The following ANKRD27 variants were observed in gnomAD, a reference collection of about 807,000 sequenced individuals.
ANKRD27 encodes ankyrin repeat domain-containing protein 27.
ANKRD27 carries 112 observed loss-of-function variants against 129.7 expected under a neutral mutation model. That is an observed-to-expected ratio of 0.86 (90% CI 0.74 to 1.01). The LOEUF (loss-of-function observed/expected upper bound fraction) is 1.01, where lower values mean the gene tolerates loss of function less well. Ranked by LOEUF, ANKRD27 falls within the 50% of genes least tolerant of loss-of-function variation. The pLI is 0.00. For missense variants in ANKRD27, 1,258 were observed against 1,300.5 expected (o/e 0.97, Z 0.50); for synonymous variants, 516 against 511.2 (o/e 1.01, Z -0.13).
At chr19:32,647,055 G>A (rs1967316976) in intron 3 of ANKRD27, among the ~76,000 whole-genome samples, 1 of 152,118 alleles carries the variant, frequency 6.6e-6, no homozygotes, top group South Asian at 2.1e-4. Context: ...TGAACTCCCA[G>A]CCTCAGGTGA....
At chr19:32,617,742 C>A in intron 20 of ANKRD27, 109 bp from the exon 21 acceptor site, 4 of 477,050 alleles carry the variant, frequency 8.4e-6, no homozygotes, top group African/African-American at 4.1e-5. Flanking sequence ...GGACTTTTAA[C>A]GTCTGATTTA....
At chr19:32,633,335 T>G (rs1281372586) in intron 12 of ANKRD27, among the ~76,000 whole-genome samples, 5 of 146,444 alleles carry the variant, frequency 3.4e-5, no homozygotes, top group East Asian at 2.0e-4. Context: ...TTATCTGTTT[T>G]TTTTTTTTTT....
At chr19:32,651,991 C>T (rs543476479) in intron 2 of ANKRD27, among the ~76,000 whole-genome samples, 13 of 152,312 alleles carry the variant, frequency 8.5e-5, no homozygotes, top group African/African-American at 2.6e-4. Context: ...AACCAGAAGC[C>T]AACGCTGGGC....
intron 5 of ANKRD27, 182 bp from the exon 6 acceptor site, chr19:32,643,813 T>C (rs949072516): frequency 5.5e-5 from 34 of 621,382 alleles, no homozygotes; most frequent in Middle Eastern, 4.3e-4. Context: ...AACTTCCCCT[T>C]GGGGTTAACA....
chr19:32,658,035 C>T (rs905798727), intron 2 of ANKRD27, among the ~76,000 whole-genome samples: 8 of 152,132 alleles, frequency 5.3e-5, no homozygotes, highest in Non-Finnish European at 8.8e-5. Flanking sequence ...TCCGAGAGGC[C>T]GCTGAGAACC....
intron 23 of ANKRD27, among the ~76,000 whole-genome samples, chr19:32,606,939 CAAAAAA>C (rs532062312): frequency 4.6e-5 from 3 of 65,648 alleles, no homozygotes; most frequent in African/African-American, 1.2e-4. Context: ...CCCATCTCCA[CAAAAAA>C]AAAAAAAAAA....
At position 32,644,368 on chromosome 19, in the gene ANKRD27, C is replaced by T. The variant is rs766519033; in HGVS notation, c.482G>A (p.Arg161Gln). The T allele has an allele frequency of 7.4e-6, 12 of 1,613,696 alleles. No homozygotes were observed. Among genetic ancestry groups the T allele is most frequent in the Middle Eastern group, 1.7e-4 (1 of 5,986 alleles). ...CTTTCTCTCGCATTCTCGGAATGTT[C>T]GATGGAAAGAGGCGATGTTCCTGTC... Reference protein sequence around the residue: ...RFDRNIASFHRTFRECERKSL... With the variant: ...RFDRNIASFHQTFRECERKSL... Residue 161 changes from arginine to glutamine, a missense_variant, in exon 5 of 29, where the codon CGA becomes CAA. Arg to Gln is a conservative substitution (Grantham distance 43). Transcript: ENST00000306065.
chr19:32,643,238 A>G (rs1269485492), intron 8 of ANKRD27, 39 bp from the exon 9 acceptor site: 2 of 1,614,080 alleles, frequency 1.2e-6, no homozygotes, highest in Admixed American at 3.3e-5. Flanking sequence ...ATTTCTCAAA[A>G]AGCACAGAAG....
At chr19:32,607,563 G>A (rs1391879346) in intron 23 of ANKRD27, 72 bp downstream of exon 23, 61 of 1,539,148 alleles carry the variant, frequency 4.0e-5, no homozygotes, top group Middle Eastern at 4.6e-4. Flanking sequence ...CCCCTGCAGC[G>A]TTCCTACCAA....
At chr19:32,616,185 C>T (rs937084216) in intron 21 of ANKRD27, among the ~76,000 whole-genome samples, 15 of 151,992 alleles carry the variant, frequency 9.9e-5, no homozygotes, top group Non-Finnish European at 2.1e-4. Context: ...GGCAACAGAG[C>T]AAAACTCTCA....
chr19:32,661,088 G>GTTT (rs1013809369), intron 1 of ANKRD27, among the ~76,000 whole-genome samples: 3 of 151,414 alleles, frequency 2.0e-5, no homozygotes, highest in African/African-American at 7.3e-5. Flanking sequence ...ATAGTCCCAG[G>GTTT]TACTAAGGAG....
chr19:32,638,885 C>T (rs1213894285), intron 12 of ANKRD27: 4 of 199,378 alleles, frequency 2.0e-5, no homozygotes, highest in Non-Finnish European at 3.0e-5. Context: ...GCATGGGATC[C>T]AGGCCAGTAG....
In ANKRD27 at chr19:32,643,623, C is replaced by A. The variant is rs765125690; in HGVS notation, c.534G>T (p.Ala178=). Residue 178 remains alanine, a synonymous_variant, in exon 6 of 29, where the codon GCG becomes GCT. Transcript: ENST00000306065. ...RKSLRHHIDS[A]NALYTKCLQQ... ...GGAGGCATTTGGTGTAGAGAGCATT[C>A]GCTGAGTCCTAAACCACATAGAGCA... The A allele has an allele frequency of 8.7e-6, 14 of 1,613,824 alleles. No individual in the cohort carries two copies. The highest frequency in any genetic ancestry group is 1.1e-5 in the Non-Finnish European group (13 of 1,180,026).
chr19:32,625,193 T>C (rs996146700), intron 17 of ANKRD27, among the ~76,000 whole-genome samples: 23 of 151,514 alleles, frequency 1.5e-4, no homozygotes, highest in African/African-American at 4.4e-4. Context: ...AAGGAGGAGG[T>C]TGCAGTGAGT....
At chr19:32,643,247 A>G in intron 8 of ANKRD27, 40 bp downstream of exon 8, 1 of 1,614,078 alleles carries the variant, frequency 6.2e-7, no homozygotes, top group Non-Finnish European at 8.5e-7. Context: ...AAAGCACAGA[A>G]GAAGGCTTCC....
In ANKRD27 at chr19:32,666,639, CTATT is replaced by C. The variant is rs1211327940; in HGVS notation, c.-30-7598_-30-7595del. Among the ~76,000 whole-genome samples the C allele has an allele frequency of 1.8e-4, 20 of 111,994 alleles. 2 individuals carry two copies. Among genetic ancestry groups the C allele is most frequent in the Non-Finnish European group, 1.4e-4 (8 of 56,756 alleles). The allele number at this position is 111,994 out of a possible 152,430, so 73.5% of individuals were successfully genotyped here. A position where few individuals can be genotyped will look rare whatever the true frequency, so the allele number is the denominator to read the frequency against. On this transcript the variant is annotated intron_variant, in intron 1 of 28. Transcript: ENST00000306065. ...GGGCACAGAAAAGGAAATCAGATTT[CTATT>C]TTTTTTTTTTTTTTTTTTTGAGACA...
chr19:32,674,894 C>T (rs990777557), intron 1 of ANKRD27, among the ~76,000 whole-genome samples, 177 bp downstream of exon 1: 1 of 151,960 alleles, frequency 6.6e-6, no homozygotes, highest in Non-Finnish European at 1.5e-5. Flanking sequence ...GGGCACCCAC[C>T]TGGGGACGCG....
At chr19:32,601,334 C>T (rs942392332) in intron 26 of ANKRD27, among the ~76,000 whole-genome samples, 1 of 151,084 alleles carries the variant, frequency 6.6e-6, no homozygotes, top group East Asian at 2.0e-4. Context: ...TGGTGGCTCA[C>T]ACCTGTAATC....
At chr19:32,632,982 G>GC (rs1468636580) in intron 12 of ANKRD27, among the ~76,000 whole-genome samples, 3 of 152,172 alleles carry the variant, frequency 2.0e-5, no homozygotes, top group African/African-American at 4.8e-5. Context: ...AGGCACTTCT[G>GC]CCCCCAGCTG....
Sources: allele counts gnomAD v4.1 joint callset (sites outside exome capture counted in the v4.1 genomes callset), GRCh38; gene constraint gnomAD v4.1.1; transcripts MANE v1.5; gene names NCBI Gene and HGNC (gene_info 2026-07-23, HGNC 2026-07-21).